The following NOL4L variants were observed in gnomAD, a reference collection of about 807,000 sequenced individuals.
The protein encoded by NOL4L is nucleolar protein 4-like.
NOL4L carries 7 observed loss-of-function variants against 64.5 expected under a neutral mutation model. The observed-to-expected ratio is 0.11, with a 90% CI of 0.06 to 0.20. The LOEUF is 0.20. Ranked by LOEUF, NOL4L falls within the 10% of genes least tolerant of loss-of-function variation. The pLI is 1.00. For synonymous variants in NOL4L, 413 were observed against 401.0 expected, an observed-to-expected ratio of 1.03 and a Z score of -0.36; for missense variants, 680 against 967.1, an observed-to-expected ratio of 0.70 and a Z score of 3.94.
intron 3 of NOL4L, among the ~76,000 whole-genome samples, chr20:32,516,181 G>A (rs1481930343): frequency 6.6e-6 from 1 of 152,106 alleles, no homozygotes; most frequent in Non-Finnish European, 1.5e-5. Flanking sequence ...AAGGATGTGT[G>A]CACGATGGGG....
chr20:32,527,058 G>A (rs1006163019), intron 2 of NOL4L, among the ~76,000 whole-genome samples: 2 of 152,100 alleles, frequency 1.3e-5, no homozygotes, highest in African/African-American at 2.4e-5. Context: ...TCCCCAAAGC[G>A]TAGAATGCCA....
chr20:32,538,408 G>A (rs2018589290), intron 1 of NOL4L, among the ~76,000 whole-genome samples: 1 of 151,834 alleles, frequency 6.6e-6, no homozygotes, highest in East Asian at 1.9e-4. Flanking sequence ...GCAGGAGGAG[G>A]CTATCTGATC....
chr20:32,551,103 C>T (rs528787583), intron 1 of NOL4L, among the ~76,000 whole-genome samples: 10 of 151,906 alleles, frequency 6.6e-5, no homozygotes, highest in Admixed American at 2.0e-4. Context: ...AGGCTAGGCA[C>T]GGTGGCTCAT....
At chr20:32,563,987 C>A (rs1979260709) in intron 1 of NOL4L, among the ~76,000 whole-genome samples, 1 of 152,234 alleles carries the variant, frequency 6.6e-6, no homozygotes, top group Non-Finnish European at 1.5e-5. Context: ...AAAGGCCGAG[C>A]TTGCAGGAGC....
intron 2 of NOL4L, among the ~76,000 whole-genome samples, chr20:32,524,483 C>T (rs540570365): frequency 1.3e-5 from 2 of 152,208 alleles, no homozygotes; most frequent in South Asian, 4.1e-4. Flanking sequence ...ATTTAGTGCA[C>T]TGAAAAAGTC....
At chr20:32,524,976 T>C (rs2018078409) in intron 2 of NOL4L, among the ~76,000 whole-genome samples, 1 of 152,240 alleles carries the variant, frequency 6.6e-6, no homozygotes, top group African/African-American at 2.4e-5. Flanking sequence ...GGCCCTGGCC[T>C]GCTCAGCTCA....
At chr20:32,552,398 A>T (rs1449882008) in intron 1 of NOL4L, among the ~76,000 whole-genome samples, 2 of 152,086 alleles carry the variant, frequency 1.3e-5, no homozygotes, top group Non-Finnish European at 2.9e-5. Flanking sequence ...TTTAATAATG[A>T]AATTCTGGCA....
chr20:32,533,544 A>C (rs2018415698), intron 1 of NOL4L: 1 of 152,210 alleles, frequency 6.6e-6, no homozygotes. Context: ...TTCCTGGCCT[A>C]ATATATTAAT....
rs1190362634 is a variant in NOL4L at position 32,453,000 on chromosome 20, G to C, written c.1504C>G (p.Pro502Ala). The change falls in exon 9 of 11, where the codon CCC (proline) becomes GCC (alanine). Residue 502 changes from proline to alanine, a missense_variant. Physicochemically the swap from Pro to Ala is conservative, Grantham distance 27. Around this residue, in one of 4 missense-constraint regions of NOL4L, gnomAD observed 70 missense variants for 166.1 expected, o/e 0.42. Transcript: ENST00000621426. Reference sequence around the variant, plus strand: ...GCCGAGGTCAGATGGGGTGGCGTGGGTCTGGTCTGCAGGCAGAACGGGGAT... The same window carrying C: ...GCCGAGGTCAGATGGGGTGGCGTGGCTCTGGTCTGCAGGCAGAACGGGGAT... ...MKKNGMEMTR[P>A]TPPHLTSAMA... The C allele has an allele frequency of 1.2e-6, 2 of 1,613,428 alleles. No homozygotes were observed. Among genetic ancestry groups the C allele is most frequent in the Non-Finnish European group, 1.7e-6 (2 of 1,180,008 alleles).
Position 32,460,957 on chromosome 20 carries a change from A to T in NOL4L, c.842-4562T>A, listed in dbSNP as rs1568608425. ...CTTCTGTGCTAACCCGAGCACCACC[A>T]CCTCAGGGAAGCCCTCCCTACCTGC... On this transcript the variant is annotated intron_variant, in intron 5 of 10. Coordinates refer to ENST00000621426, the MANE Select transcript of NOL4L (RefSeq NM_001256798.2). This position sits in a 1 kb window ranked among gnomAD's most constrained non-coding sequence, Gnocchi z 5.7. Among the ~76,000 whole-genome samples the T allele has an allele frequency of 6.6e-6, 1 of 151,920 alleles. No homozygotes were observed. The highest frequency in any genetic ancestry group is 2.4e-5 in the African/African-American group (1 of 41,366).
intron 2 of NOL4L, among the ~76,000 whole-genome samples, chr20:32,527,167 G>A (rs2064955671): frequency 1.3e-5 from 2 of 152,146 alleles, no homozygotes; most frequent in South Asian, 2.1e-4. Flanking sequence ...CTCTCTCAAA[G>A]CGAGCCTTGG....
At position 32,453,043 on chromosome 20, in the gene NOL4L, C is replaced by T. The variant is rs200806836; in HGVS notation, c.1498-37G>A. 2.9e-5 allele frequency: 47 copies of T among 1,609,220 alleles called. No homozygotes were observed. The African/African-American group carries it at 4.3e-4, about 15-fold the overall frequency. On this transcript the variant is annotated intron_variant, in intron 8 of 10. Coordinates refer to ENST00000621426, the MANE Select transcript of NOL4L (RefSeq NM_001256798.2). This position sits in a 1 kb window ranked among gnomAD's most constrained non-coding sequence, Gnocchi z 5.6. ...ACGGGGATGGAGCTAGCATGGGGCC[C>T]GTGGGGGCCCTGGGCTTGTGCAGAG... is the stretch of plus-strand genomic sequence containing the variant.
chr20:32,509,408 C>T (rs2017281697), intron 4 of NOL4L, among the ~76,000 whole-genome samples: 1 of 150,304 alleles, frequency 6.7e-6, no homozygotes, highest in Non-Finnish European at 1.5e-5. Flanking sequence ...ACCCCAGCTA[C>T]TCGGGAGGCT....
intron 4 of NOL4L, among the ~76,000 whole-genome samples, chr20:32,488,809 CTTTCTTTCTTTCTTTCTTTTT>C (rs1568648360): frequency 0.046 from 1,179 of 25,480 alleles, 38 homozygotes; most frequent in Middle Eastern, 0.064. Flanking sequence ...CTTTCTTTTT[CTTTCTTTCTTTCTTTCTTTTT>C]CTTTCTTTCT....
chr20:32,506,941 C>T (rs184624737), intron 4 of NOL4L, among the ~76,000 whole-genome samples: 15 of 152,320 alleles, frequency 9.8e-5, no homozygotes, highest in Admixed American at 9.8e-4. Flanking sequence ...CCACTTCACA[C>T]ACTGCTGTGA....
At position 32,453,315 on chromosome 20, in the gene NOL4L, C is replaced by A. The variant is rs149033859; in HGVS notation, c.1486G>T (p.Gly496Cys). The A allele has an allele frequency of 6.2e-7, 1 of 1,613,496 alleles. No individual in the cohort carries two copies. Among genetic ancestry groups the A allele is most frequent in the African/African-American group, 1.3e-5 (1 of 74,890 alleles). ...CAGGGGGGACTCACCATCTCCATGC[C>A]GTTCTTCTTCATGCGACGGCAGGAC... Reference protein sequence around the residue: ...LKSCRRMKKNGMEMTRPTPPH... With the variant: ...LKSCRRMKKNCMEMTRPTPPH... The change falls in exon 8 of 11, where the codon GGC becomes TGC. Residue 496 changes from glycine to cysteine, a missense_variant. Gly to Cys is a radical substitution (Grantham distance 159, BLOSUM62 -3). Transcript: ENST00000621426. This position sits in a 1 kb window ranked among gnomAD's most constrained non-coding sequence, Gnocchi z 5.6.
chr20:32,503,734 AGCTTAACAGCCCTCCTCACCTCCCCAATG>A (rs1489505562), intron 4 of NOL4L, among the ~76,000 whole-genome samples: 1 of 152,248 alleles, frequency 6.6e-6, no homozygotes, highest in Non-Finnish European at 1.5e-5. Flanking sequence ...CTTACAGCAA[AGCTTAACAGCCCTCCTCACCTCCCCAATG>A]GCAGACCTCC....
chr20:32,453,877 A>G lies in NOL4L; in HGVS notation c.1120-116T>C. The G allele has an allele frequency of 1.1e-6, 1 of 927,964 alleles. No homozygotes were observed. Among genetic ancestry groups the G allele is most frequent in the Non-Finnish European group, 1.6e-6 (1 of 614,514 alleles). 57.5% of individuals were successfully genotyped at this position (927,964 alleles called of 1,614,324 possible). On this transcript the variant is annotated intron_variant, in intron 6 of 10. Coordinates refer to ENST00000621426, the MANE Select transcript of NOL4L (RefSeq NM_001256798.2). The surrounding 1 kb of genome is among the most constrained non-coding windows in gnomAD (Gnocchi z 5.6). The stretch of plus-strand genomic sequence containing the variant: ...GTGGCACGCATGCCCTGCTGCCACG[A>G]GAGCCATAGCTGCGAGGCCCTGAGC...
chr20:32,477,225 C>T (rs1478734385), intron 4 of NOL4L, among the ~76,000 whole-genome samples: 1 of 152,224 alleles, frequency 6.6e-6, no homozygotes, highest in Non-Finnish European at 1.5e-5. Context: ...GTATTTCACC[C>T]TCACTACAGG....
Sources: allele counts gnomAD v4.1 joint callset (sites outside exome capture counted in the v4.1 genomes callset), GRCh38; gene constraint gnomAD v4.1.1; regional missense constraint gnomAD v4.1.1; non-coding constraint Gnocchi (gnomAD v3.1); transcripts MANE v1.5; gene names NCBI Gene and HGNC (gene_info 2026-07-23, HGNC 2026-07-21).